Variants in ATXN1 observed in about 807,000 individuals in gnomAD.
The protein encoded by ATXN1 is ataxin 1, also known as ataxin-1.
In ATXN1, 8 loss-of-function variants were observed where a neutral mutation model predicts 56.4. The observed-to-expected ratio is 0.14, with a 90% CI of 0.08 to 0.26. ATXN1 has a LOEUF of 0.26. ATXN1 is among the 10% of genes least tolerant of loss of function. The pLI is 1.00. For synonymous variants in ATXN1, 514 were observed against 494.6 expected (o/e 1.04, Z -0.52); for missense variants, 987 against 1,106.5 (o/e 0.89, Z 1.53).
chr6:16,337,714 T>G (rs1487271662), intron 6 of ATXN1, among the ~76,000 whole-genome samples: 1 of 152,248 alleles, frequency 6.6e-6, no homozygotes, highest in South Asian at 2.1e-4. Flanking sequence ...TTTCTGTTTA[T>G]CCACCACTCT....
rs1760099313 is a variant in ATXN1, at chr6:16,301,536, C to CTAT, written c.*4790_*4792dup. The CTAT allele has an allele frequency of 6.6e-6, 1 of 152,406 alleles. No homozygotes were observed. The highest frequency in any genetic ancestry group is 1.9e-4 in the East Asian group (1 of 5,182). The allele number at this position is 152,406 out of a possible 1,614,324, so 9.4% of individuals were successfully genotyped here. A position where few individuals can be genotyped will look rare whatever the true frequency, so the allele number is the denominator to read the frequency against. On this transcript the variant is annotated 3_prime_UTR_variant, in exon 8 of 8. Transcript: ENST00000436367. ...ATTACTTGATGTGTTCTTAAATTCT[C>CTAT]TATTTCAGAAATTCTGGGTTAAAAA...
intron 2 of ATXN1, among the ~76,000 whole-genome samples, chr6:16,720,676 C>T (rs747379692): frequency 4.6e-5 from 7 of 152,178 alleles, no homozygotes; most frequent in Non-Finnish European, 7.4e-5. Context: ...TTGATCCAAA[C>T]ATGGCTTTTT....
intron 5 of ATXN1, among the ~76,000 whole-genome samples, chr6:16,521,730 C>A (rs569839327): frequency 5.0e-4 from 76 of 152,290 alleles, no homozygotes; most frequent in African/African-American, 1.8e-3. Context: ...TGCAGGTGTA[C>A]CATGACTTCT....
intron 6 of ATXN1, among the ~76,000 whole-genome samples, chr6:16,435,729 G>A (rs1175467998): frequency 6.6e-6 from 1 of 152,140 alleles, no homozygotes; most frequent in East Asian, 1.9e-4. Flanking sequence ...TCTCCTAGCG[G>A]AGGCGGTAGA....
At chr6:16,524,952 T>C (rs544486386) in intron 4 of ATXN1, among the ~76,000 whole-genome samples, 5 of 152,182 alleles carry the variant, frequency 3.3e-5, no homozygotes, top group Non-Finnish European at 2.9e-5. Context: ...TTTGGGAAGC[T>C]GAGGCAGGAA....
chr6:16,600,464 C>T (rs1762892635), intron 3 of ATXN1, among the ~76,000 whole-genome samples: 1 of 152,150 alleles, frequency 6.6e-6, no homozygotes, highest in Non-Finnish European at 1.5e-5. Flanking sequence ...TCAAATTCAT[C>T]TCCTCTTAAG....
At chr6:16,491,477 G>T (rs957647675) in intron 5 of ATXN1, among the ~76,000 whole-genome samples, 1 of 151,470 alleles carries the variant, frequency 6.6e-6, no homozygotes, top group Non-Finnish European at 1.5e-5. Flanking sequence ...GTAGAGACAG[G>T]GTTTCACCAT....
Position 16,328,476 on chromosome 6 carries a change from AAAGGG to A in ATXN1, c.-160-11_-160-7del. 8.1e-7 allele frequency: 1 copy of A among 1,231,804 alleles called. No homozygotes were observed. Among genetic ancestry groups the A allele is most frequent in the East Asian group, 2.8e-5 (1 of 36,104 alleles). The allele number at this position is 1,231,804 out of a possible 1,614,324, so 76.3% of individuals were successfully genotyped here. ...GCCAACAGCAGCTCTGGATGCTGGG[AAAGGG>A]AAGAGGGCAGTGACAAAGGGAAAAG... On this transcript the variant is annotated splice_region_variant and splice_polypyrimidine_tract_variant and intron_variant, in intron 6 of 7. Coordinates refer to ENST00000436367, the MANE Select transcript of ATXN1 (RefSeq NM_001128164.2). The surrounding 1 kb of genome is among the most constrained non-coding windows in gnomAD (Gnocchi z 6.2).
Position 16,759,530 on chromosome 6 carries a change from G to GTTTTTTTT in ATXN1, c.-730+1760_-730+1767dup, listed in dbSNP as rs1046854905. ...ATTATATAACCAGCTTCTTCCGACT[G>GTTTTTTTT]TTTTTTTTTTTTTTTTTTTTTTTTT... On this transcript the variant is annotated intron_variant, in intron 1 of 7. Transcript: ENST00000436367. Among the ~76,000 whole-genome samples, 42 of 45,962 alleles carry GTTTTTTTT rather than the reference G, an allele frequency of 9.1e-4. 9 individuals are homozygous for GTTTTTTTT. The highest frequency in any genetic ancestry group is 5.2e-3 in the East Asian group (8 of 1,526). The allele number at this position is 45,962 out of a possible 152,430, so 30.2% of individuals were successfully genotyped here.
At chr6:16,323,479 C>T (rs905647933) in intron 7 of ATXN1, among the ~76,000 whole-genome samples, 30 of 140,464 alleles carry the variant, frequency 2.1e-4, no homozygotes, top group African/African-American at 7.5e-4. Context: ...GATCACCCCA[C>T]TGCACTCTGC....
intron 6 of ATXN1, among the ~76,000 whole-genome samples, chr6:16,461,022 C>T (rs9383172): frequency 0.42 from 63,917 of 152,132 alleles, 14,509 homozygotes; most frequent in East Asian, 0.81. Context: ...GGAGTTATTG[C>T]ACACAGTGCA....
chr6:16,418,575 T>A (rs1758964229), intron 6 of ATXN1, among the ~76,000 whole-genome samples: 1 of 152,218 alleles, frequency 6.6e-6, no homozygotes, highest in South Asian at 2.1e-4. Context: ...ATTATTATTA[T>A]ACTTTAAGTT....
At chr6:16,654,850 G>C (rs1036387944) in intron 3 of ATXN1, among the ~76,000 whole-genome samples, 1 of 152,114 alleles carries the variant, frequency 6.6e-6, no homozygotes, top group Non-Finnish European at 1.5e-5. Flanking sequence ...AGCACTTCCA[G>C]ATAACACTGT....
intron 4 of ATXN1, among the ~76,000 whole-genome samples, chr6:16,574,499 G>A (rs1050909761): frequency 1.3e-5 from 2 of 152,060 alleles, no homozygotes; most frequent in African/African-American, 2.4e-5. Flanking sequence ...ATGAGCCACC[G>A]CACCCGGCCT....
At chr6:16,579,560 C>T (rs1253719919) in intron 4 of ATXN1, among the ~76,000 whole-genome samples, 1 of 141,992 alleles carries the variant, frequency 7.0e-6, no homozygotes, top group Non-Finnish European at 1.5e-5. Flanking sequence ...TATCTGCAGA[C>T]ACACTCAGAG....
chr6:16,307,164 G>T lies in ATXN1; in HGVS notation c.1918-305C>A, dbSNP rs138702167. Among the ~76,000 whole-genome samples, 322 of 152,288 alleles carry T rather than the reference G, an allele frequency of 2.1e-3. 1 individual carries two copies. Among genetic ancestry groups the T allele is most frequent in the African/African-American group, 7.4e-3 (306 of 41,572 alleles). ...TGGTCTCTGTTAGAACCAGTCAATC[G>T]AACCCCAGTAATGACAGAGCACCCA... On this transcript the variant is annotated intron_variant, in intron 7 of 7. Transcript: ENST00000436367.
chr6:16,378,709 C>T (rs1275575953), intron 6 of ATXN1, among the ~76,000 whole-genome samples: 1 of 152,092 alleles, frequency 6.6e-6, no homozygotes, highest in Non-Finnish European at 1.5e-5. Context: ...CAGGTGCACA[C>T]CACCACCCCT....
chr6:16,419,129 CTTT>C, intron 6 of ATXN1, among the ~76,000 whole-genome samples: 1 of 152,076 alleles, frequency 6.6e-6, no homozygotes. Flanking sequence ...TTGTTTTCTT[CTTT>C]GAGATGGGTT....
At chr6:16,363,610 C>G (rs778680278) in intron 6 of ATXN1, among the ~76,000 whole-genome samples, 13 of 152,170 alleles carry the variant, frequency 8.5e-5, no homozygotes, top group Non-Finnish European at 8.8e-5. Context: ...AATGAGTTCC[C>G]TCTGGGATTT....
Sources: gnomAD v4.1 joint callset for allele counts (sites outside exome capture counted in the v4.1 genomes callset) on GRCh38, gnomAD v4.1.1 for gene constraint, Gnocchi (gnomAD v3.1) non-coding constraint, MANE v1.5 for transcripts, NCBI Gene and HGNC (gene_info 2026-07-23, HGNC 2026-07-21) for gene names.